The following DGKB variants were observed in gnomAD, a reference collection of about 807,000 sequenced individuals.
DGKB encodes 90 kDa diacylglycerol kinase.
DGKB carries 67 observed loss-of-function variants against 114.3 expected under a neutral mutation model. The observed-to-expected ratio is 0.59, with a 90% confidence interval of 0.48 to 0.72. The LOEUF is 0.72. DGKB is among the 30% of genes least tolerant of loss of function. DGKB has a pLI of 0.00. For missense variants in DGKB, 907 were observed against 975.2 expected (o/e 0.93, Z 0.93); for synonymous variants, 398 against 323.1 (o/e 1.23, Z -2.49).
At chr7:14,811,994 C>T (rs1488031371) in intron 2 of DGKB, among the ~76,000 whole-genome samples, 1 of 152,060 alleles carries the variant, frequency 6.6e-6, no homozygotes, top group Admixed American at 6.6e-5. Flanking sequence ...ACCTGTGTTT[C>T]TGCGAATTTG....
chr7:14,223,154 G>A (rs1308818065), intron 23 of DGKB, among the ~76,000 whole-genome samples: 1 of 151,590 alleles, frequency 6.6e-6, no homozygotes, highest in East Asian at 1.9e-4. Context: ...GATATGGCTG[G>A]ATTCATGTCT....
intron 2 of DGKB, among the ~76,000 whole-genome samples, chr7:14,837,162 C>G (rs533550409): frequency 6.6e-6 from 1 of 152,128 alleles, no homozygotes. Flanking sequence ...AGTCAGATAT[C>G]TGAAGTATGG....
chr7:14,590,172 A>AACTTTTCTCC (rs1936353655), intron 17 of DGKB, among the ~76,000 whole-genome samples: 1 of 150,506 alleles, frequency 6.6e-6, no homozygotes. Context: ...ATAAAAAAAA[A>AACTTTTCTCC]AACATTAAAG....
chr7:14,392,369 G>A (rs1442420577), intron 21 of DGKB, among the ~76,000 whole-genome samples: 1 of 152,038 alleles, frequency 6.6e-6, no homozygotes, highest in Admixed American at 6.6e-5. Flanking sequence ...GAATCTAGTT[G>A]TTTATTTTGT....
chr7:14,175,539 C>T (rs1051315114), intron 25 of DGKB, among the ~76,000 whole-genome samples: 11 of 152,108 alleles, frequency 7.2e-5, no homozygotes, highest in African/African-American at 2.7e-4. Flanking sequence ...GCCATCTTTG[C>T]CCAAGCCCAG....
At chr7:14,852,486 T>TAAAAAA (rs1554304182) in intron 1 of DGKB, among the ~76,000 whole-genome samples, 1 of 7,774 alleles carries the variant, frequency 1.3e-4, no homozygotes, top group African/African-American at 3.2e-4. Context: ...ATAGTGAAAG[T>TAAAAAA]CAAAAAAAAA....
At chr7:14,375,663 T>A (rs1165722602) in intron 21 of DGKB, among the ~76,000 whole-genome samples, 1 of 152,212 alleles carries the variant, frequency 6.6e-6, no homozygotes, top group Non-Finnish European at 1.5e-5. Flanking sequence ...TCTTGAGTGC[T>A]CTATTTAAAA....
intron 23 of DGKB, among the ~76,000 whole-genome samples, chr7:14,297,987 A>G (rs1238731749): frequency 6.6e-6 from 1 of 152,174 alleles, no homozygotes; most frequent in East Asian, 1.9e-4. Flanking sequence ...ACCTAGGAAT[A>G]CAACTTACAA....
At chr7:14,166,421 T>A (rs964021423) in intron 25 of DGKB, among the ~76,000 whole-genome samples, 1 of 152,166 alleles carries the variant, frequency 6.6e-6, no homozygotes, top group Non-Finnish European at 1.5e-5. Context: ...GGAAGGAATA[T>A]GAAAATGGGG....
intron 13 of DGKB, among the ~76,000 whole-genome samples, chr7:14,644,813 T>C (rs967667932): frequency 6.6e-6 from 1 of 152,172 alleles, no homozygotes; most frequent in Non-Finnish European, 1.5e-5. Context: ...ATATCCTATG[T>C]CTTGGGAGAT....
chr7:14,952,136 G>A (rs1397838016), intron 1 of DGKB, among the ~76,000 whole-genome samples: 2 of 151,960 alleles, frequency 1.3e-5, no homozygotes, highest in Non-Finnish European at 2.9e-5. Flanking sequence ...ATACAAAGAG[G>A]AATGCTATGT....
chr7:14,358,021 T>A (rs951933916), intron 21 of DGKB, among the ~76,000 whole-genome samples: 2 of 152,120 alleles, frequency 1.3e-5, no homozygotes, highest in African/African-American at 2.4e-5. Flanking sequence ...GGCTGCCCTT[T>A]ACATTTTTTC....
chr7:14,557,114 A>G (rs917903674), intron 20 of DGKB, among the ~76,000 whole-genome samples: 6 of 152,162 alleles, frequency 3.9e-5, no homozygotes, highest in African/African-American at 1.4e-4. Flanking sequence ...CAGAAAACCC[A>G]GGTGTAGAGA....
At chr7:14,674,462 C>T (rs991637846) in intron 12 of DGKB, among the ~76,000 whole-genome samples, 14 of 151,238 alleles carry the variant, frequency 9.3e-5, no homozygotes, top group Admixed American at 3.3e-4. Flanking sequence ...TAGTAATTAA[C>T]TTTCTTAGAA....
chr7:14,736,238 A>C, intron 4 of DGKB, 44 bp from the exon 5 acceptor site: 7 of 1,284,410 alleles, frequency 5.4e-6, no homozygotes, highest in South Asian at 1.4e-5. Context: ...ATCCAACCAA[A>C]TGTTAAAATT....
intron 19 of DGKB, 68 bp downstream of exon 19, chr7:14,580,794 T>A: frequency 9.0e-7 from 1 of 1,111,710 alleles, no homozygotes; most frequent in Non-Finnish European, 1.3e-6. Flanking sequence ...TCTTTTCTTT[T>A]CTTTTTGTTT....
At chr7:14,682,164 G>A (rs1205844756) in intron 12 of DGKB, among the ~76,000 whole-genome samples, 1 of 151,992 alleles carries the variant, frequency 6.6e-6, no homozygotes, top group African/African-American at 2.4e-5. Context: ...TTTACAATAA[G>A]CAAACCAGAA....
At chr7:14,205,919 T>C (rs1206148076) in intron 23 of DGKB, among the ~76,000 whole-genome samples, 1 of 151,994 alleles carries the variant, frequency 6.6e-6, no homozygotes, top group Admixed American at 6.6e-5. Context: ...ATGTATGTTA[T>C]AGAAGATAGA....
intron 1 of DGKB, among the ~76,000 whole-genome samples, chr7:14,852,600 T>C (rs1260554713): frequency 6.6e-6 from 1 of 152,014 alleles, no homozygotes; most frequent in Non-Finnish European, 1.5e-5. Flanking sequence ...GTTATATTTG[T>C]TTTTGTCTTT....
Sources: gnomAD v4.1 joint callset for allele counts (sites outside exome capture counted in the v4.1 genomes callset) on GRCh38, gnomAD v4.1.1 for gene constraint, MANE v1.5 for transcripts, NCBI Gene and HGNC (gene_info 2026-07-23, HGNC 2026-07-21) for gene names.